The following SUPT3H variants were observed in gnomAD, a reference collection of about 807,000 sequenced individuals.
SUPT3H encodes the protein SPT3 homolog, SAGA and STAGA complex component, also known as transcription initiation protein SPT3 homolog.
A neutral mutation model predicts 44.3 loss-of-function variants in SUPT3H; 44 were observed. The ratio of observed to expected loss-of-function variants is 0.99; its 90% CI spans 0.78 to 1.28. The LOEUF (loss-of-function observed/expected upper bound fraction) is 1.28, where lower values mean the gene tolerates loss of function less well. SUPT3H is among the 50% of genes most tolerant of loss of function. The pLI is 0.00. For synonymous variants in SUPT3H, 124 were observed against 125.6 expected (o/e 0.99, Z 0.09); for missense variants, 380 against 387.1 (o/e 0.98, Z 0.15).
intron 2 of SUPT3H, among the ~76,000 whole-genome samples, chr6:45,247,191 T>C (rs1250880831): frequency 6.6e-6 from 1 of 152,150 alleles, no homozygotes; most frequent in African/African-American, 2.4e-5. Context: ...ACATACAAAC[T>C]ACCAAAATTC....
intron 6 of SUPT3H, among the ~76,000 whole-genome samples, chr6:44,963,112 A>G (rs1306327597): frequency 6.6e-6 from 1 of 151,650 alleles, no homozygotes; most frequent in African/African-American, 2.4e-5. Flanking sequence ...ATATATGTAC[A>G]CATATACACA....
At chr6:45,111,689 C>T (rs1433792056) in intron 2 of SUPT3H, among the ~76,000 whole-genome samples, 2 of 152,032 alleles carry the variant, frequency 1.3e-5, no homozygotes, top group African/African-American at 2.4e-5. Context: ...AAATTTATTC[C>T]TTCATCTGAA....
At position 44,887,057 on chromosome 6, in the gene SUPT3H, A is replaced by G. The variant is rs149653702; in HGVS notation, c.912+45596T>C. 2.5e-3 allele frequency among the ~76,000 whole-genome samples: 388 copies of G among 152,354 alleles called. 1 individual carries two copies. The highest frequency in any genetic ancestry group is 6.1e-3 in the Admixed American group (94 of 15,298). On this transcript the variant is annotated intron_variant, in intron 10 of 10. Transcript: ENST00000371459. ...TAATGGTAAAGGGATCAATACAACA[A>G]GAAGAGCTAACTATACTAAATATAT...
intron 10 of SUPT3H, among the ~76,000 whole-genome samples, chr6:44,874,933 C>A (rs1456595692): frequency 1.5e-5 from 2 of 136,704 alleles, no homozygotes; most frequent in Non-Finnish European, 3.1e-5. Flanking sequence ...ACCTAGGAAT[C>A]CAACTTACAA....
intron 2 of SUPT3H, among the ~76,000 whole-genome samples, chr6:45,136,595 G>A (rs776153452): frequency 5.3e-5 from 8 of 151,402 alleles, no homozygotes; most frequent in Non-Finnish European, 7.4e-5. Context: ...AATATCAACA[G>A]AGACATTATT....
intron 2 of SUPT3H, among the ~76,000 whole-genome samples, chr6:45,237,093 T>G (rs1769307144): frequency 6.6e-6 from 1 of 152,044 alleles, no homozygotes; most frequent in Non-Finnish European, 1.5e-5. Flanking sequence ...TGGGAAAAAG[T>G]GAAACTAAAC....
chr6:45,163,696 A>G (rs1252732007), intron 2 of SUPT3H, among the ~76,000 whole-genome samples: 3 of 151,822 alleles, frequency 2.0e-5, no homozygotes, highest in African/African-American at 4.8e-5. Flanking sequence ...TTTCATGTTT[A>G]TACTTGTTAC....
intron 6 of SUPT3H, among the ~76,000 whole-genome samples, chr6:45,002,926 G>C (rs1345726065): frequency 1.3e-5 from 2 of 152,022 alleles, no homozygotes; most frequent in African/African-American, 2.4e-5. Context: ...TGAAAGAGAA[G>C]GGGAAAATGG....
chr6:45,080,539 T>C (rs1583435095), intron 3 of SUPT3H, among the ~76,000 whole-genome samples: 1 of 151,728 alleles, frequency 6.6e-6, no homozygotes, highest in African/African-American at 2.4e-5. Context: ...TAAGTGTCCA[T>C]CAACAGAAGA....
intron 5 of SUPT3H, among the ~76,000 whole-genome samples, chr6:45,012,339 T>G (rs543346685): frequency 4.6e-5 from 7 of 152,060 alleles, no homozygotes; most frequent in African/African-American, 1.4e-4. Context: ...AAGCTGTTAA[T>G]TTTTCTTTAT....
intron 6 of SUPT3H, among the ~76,000 whole-genome samples, chr6:44,978,744 C>A (rs1252312705): frequency 6.6e-6 from 1 of 151,772 alleles, no homozygotes; most frequent in African/African-American, 2.4e-5. Context: ...CATGAAGGAT[C>A]CACATGGGAG....
At chr6:44,882,143 C>A (rs184966324) in intron 10 of SUPT3H, among the ~76,000 whole-genome samples, 1 of 151,896 alleles carries the variant, frequency 6.6e-6, no homozygotes, top group African/African-American at 2.4e-5. Context: ...GCTAGCAAGA[C>A]TAATAAAGAA....
intron 3 of SUPT3H, among the ~76,000 whole-genome samples, chr6:45,034,159 C>T (rs1386473648): frequency 2.0e-5 from 3 of 152,048 alleles, no homozygotes; most frequent in Non-Finnish European, 4.4e-5. Context: ...CCTCCTCCTC[C>T]TCCAACAGCA....
chr6:44,887,183 C>T (rs907723589), intron 10 of SUPT3H, among the ~76,000 whole-genome samples: 9 of 152,048 alleles, frequency 5.9e-5, no homozygotes, highest in African/African-American at 2.2e-4. Flanking sequence ...ACTTTAACAC[C>T]CCACTGTCAA....
chr6:45,029,850 A>T (rs1160357026), intron 3 of SUPT3H, among the ~76,000 whole-genome samples: 3 of 152,114 alleles, frequency 2.0e-5, no homozygotes, highest in African/African-American at 7.2e-5. Context: ...CTGCAGCCTC[A>T]AACTCCTGGG....
At chr6:44,842,791 T>C (rs1040612184) in intron 10 of SUPT3H, among the ~76,000 whole-genome samples, 27 of 152,076 alleles carry the variant, frequency 1.8e-4, no homozygotes, top group African/African-American at 6.5e-4. Flanking sequence ...TACATTACTA[T>C]ATATCAGCAC....
intron 1 of SUPT3H, among the ~76,000 whole-genome samples, chr6:45,367,235 T>C (rs777009569): frequency 6.6e-6 from 1 of 151,970 alleles, no homozygotes; most frequent in Non-Finnish European, 1.5e-5. Flanking sequence ...AAAACCACTA[T>C]ACCAAGAAGG....
In SUPT3H at chr6:44,923,805, C is replaced by T. The variant is rs112870770; in HGVS notation, c.912+8848G>A. On this transcript the variant is annotated intron_variant, in intron 10 of 10. Transcript: ENST00000371459. ...GATAAGATCTCTCTTCCCTTCTCCC[C>T]ACATCTGCCTGCTGATTAAAAAAAA... Among the ~76,000 whole-genome samples, 1,353 of 151,946 alleles carry T rather than the reference C, an allele frequency of 8.9e-3. 13 individuals carry two copies. Among genetic ancestry groups the T allele is most frequent in the South Asian group, 0.025 (120 of 4,816 alleles).
intron 2 of SUPT3H, among the ~76,000 whole-genome samples, chr6:45,292,997 T>C (rs1490036222): frequency 6.6e-6 from 1 of 151,960 alleles, no homozygotes; most frequent in Admixed American, 6.6e-5. Context: ...TTAGCAGATA[T>C]ATACAGAACA....
Sources: allele counts gnomAD v4.1 joint callset (sites outside exome capture counted in the v4.1 genomes callset), GRCh38; gene constraint gnomAD v4.1.1; transcripts MANE v1.5; gene names NCBI Gene and HGNC (gene_info 2026-07-23, HGNC 2026-07-21).